The following METTL15 variants were observed in gnomAD, a reference collection of about 807,000 sequenced individuals.
METTL15 encodes methyltransferase 15, mitochondrial 12S rRNA N4-cytidine, also known as 12S rRNA N(4)-cytidine methyltransferase METTL15.
A neutral mutation model predicts 38.3 loss-of-function variants in METTL15; 34 were observed. The observed-to-expected ratio is 0.89, with a 90% CI of 0.68 to 1.18. The LOEUF (loss-of-function observed/expected upper bound fraction) is 1.18, where lower values mean the gene tolerates loss of function less well. Among genes scored for constraint, METTL15 ranks in the 50% most tolerant of loss-of-function variants. The pLI, the probability that METTL15 is intolerant of heterozygous loss-of-function variation, is 0.00. For missense variants in METTL15, 438 were observed against 498.4 expected (o/e 0.88, Z 1.15); for synonymous variants, 162 against 170.9 (o/e 0.95, Z 0.41).
intron 3 of METTL15, among the ~76,000 whole-genome samples, chr11:28,146,788 A>G (rs1172800919): frequency 1.3e-5 from 2 of 151,946 alleles, no homozygotes; most frequent in Non-Finnish European, 2.9e-5. Context: ...TTTACTTAAT[A>G]AAAAACAAAT....
chr11:28,306,266 G>T (rs1417637780), intron 6 of METTL15, among the ~76,000 whole-genome samples: 2 of 152,036 alleles, frequency 1.3e-5, no homozygotes, highest in African/African-American at 4.8e-5. Flanking sequence ...AGAGTGACCT[G>T]CTGGCATTGT....
chr11:28,218,087 C>T (rs1484820415), intron 4 of METTL15, among the ~76,000 whole-genome samples: 1 of 152,026 alleles, frequency 6.6e-6, no homozygotes, highest in African/African-American at 2.4e-5. Flanking sequence ...TTTTCCTATT[C>T]CGAGAAGAAA....
At chr11:28,465,478 C>T (rs1851249577) in intron 6 of METTL15, among the ~76,000 whole-genome samples, 2 of 152,136 alleles carry the variant, frequency 1.3e-5, no homozygotes, top group Non-Finnish European at 2.9e-5. Context: ...CACCTATAAA[C>T]TAACTGCTTC....
chr11:28,321,238 T>G (rs1849456528), intron 6 of METTL15, among the ~76,000 whole-genome samples: 1 of 152,182 alleles, frequency 6.6e-6, no homozygotes, highest in Non-Finnish European at 1.5e-5. Flanking sequence ...TAACGTGATT[T>G]TCACAATAAT....
At chr11:28,361,659 T>C (rs1038088370) in intron 4 of METTL15, among the ~76,000 whole-genome samples, 7 of 152,128 alleles carry the variant, frequency 4.6e-5, no homozygotes, top group African/African-American at 1.7e-4. Flanking sequence ...CTTTTCTGGG[T>C]AGGGGGAGGG....
At chr11:28,277,309 G>A (rs1005654481) in intron 4 of METTL15, among the ~76,000 whole-genome samples, 11 of 152,274 alleles carry the variant, frequency 7.2e-5, no homozygotes, top group South Asian at 2.1e-4. Context: ...ATTCACAATA[G>A]CAAAGATATG....
intron 5 of METTL15, among the ~76,000 whole-genome samples, chr11:28,420,633 G>T (rs541503511): frequency 6.6e-6 from 1 of 152,058 alleles, no homozygotes; most frequent in African/African-American, 2.4e-5. Context: ...GGTCAATGAA[G>T]AGATTAATAA....
At chr11:28,297,693 C>A (rs1484693249) in intron 6 of METTL15, among the ~76,000 whole-genome samples, 1 of 152,096 alleles carries the variant, frequency 6.6e-6, no homozygotes, top group African/African-American at 2.4e-5. Context: ...AGTTATTTAA[C>A]AGAATTCCAA....
chr11:28,500,536 C>CT (rs573552567), intron 6 of METTL15, among the ~76,000 whole-genome samples: 2,681 of 144,438 alleles, frequency 0.019, 30 homozygotes, highest in Middle Eastern at 0.036. Flanking sequence ...TTTCCAATGT[C>CT]TTTTTTTTTT....
intron 6 of METTL15, among the ~76,000 whole-genome samples, chr11:28,433,163 G>GTTTTTTTTTTTTTTT (rs1209820099): frequency 1.1e-5 from 1 of 93,770 alleles, no homozygotes; most frequent in African/African-American, 2.8e-5. Flanking sequence ...GTTTTGTTTT[G>GTTTTTTTTTTTTTTT]TTTTTTTTGT....
intron 5 of METTL15, among the ~76,000 whole-genome samples, chr11:28,375,348 G>T (rs1564911048): frequency 6.6e-6 from 1 of 151,746 alleles, no homozygotes; most frequent in Non-Finnish European, 1.5e-5. Flanking sequence ...TTCAGAGCCT[G>T]TTATTGGTCT....
intron 5 of METTL15, among the ~76,000 whole-genome samples, chr11:28,407,777 A>G (rs1329068558): frequency 6.6e-6 from 1 of 152,220 alleles, no homozygotes; most frequent in Non-Finnish European, 1.5e-5. Flanking sequence ...AACCAGAAAT[A>G]TCATCTGACC....
chr11:28,127,083 G>A (rs1852519089), intron 3 of METTL15, among the ~76,000 whole-genome samples: 1 of 152,084 alleles, frequency 6.6e-6, no homozygotes, highest in Non-Finnish European at 1.5e-5. Flanking sequence ...AATGCAAAGA[G>A]GGAGATGGTG....
chr11:28,462,255 A>T (rs1239964096), intron 6 of METTL15, among the ~76,000 whole-genome samples: 3 of 152,086 alleles, frequency 2.0e-5, no homozygotes, highest in African/African-American at 7.2e-5. Flanking sequence ...TATGGGAATA[A>T]GGAAGAGTAT....
At chr11:28,355,916 C>CT (rs1850086354) in intron 4 of METTL15, among the ~76,000 whole-genome samples, 1 of 152,146 alleles carries the variant, frequency 6.6e-6, no homozygotes, top group Non-Finnish European at 1.5e-5. Context: ...CTTATACTAT[C>CT]TTTTTCCTTT....
chr11:28,468,347 T>C lies in METTL15; in HGVS notation c.*424+43983T>C, dbSNP rs760654112. The stretch of plus-strand genomic sequence containing the variant: ...AAGAGCACCAGGGATAAAAACACGG[T>C]GAGGAGAAATGAAGAGATGGTAGTG... On this transcript the variant is annotated intron_variant and NMD_transcript_variant, in intron 6 of 7. Coordinates refer to the METTL15 transcript ENST00000532947. Among the ~76,000 whole-genome samples, 7 of 152,078 alleles carry C rather than the reference T, an allele frequency of 4.6e-5. No individual in the cohort carries two copies. The South Asian group carries it at 1.2e-3, about 27-fold the overall frequency.
chr11:28,330,320 A>G, intron 6 of METTL15, 76 bp from the exon 7 acceptor site: 1 of 1,312,060 alleles, frequency 7.6e-7, no homozygotes, highest in East Asian at 2.5e-5. Context: ...ACACAACTAC[A>G]CAATTCATTA....
At chr11:28,202,420 A>C (rs1852151442) in intron 3 of METTL15, among the ~76,000 whole-genome samples, 1 of 151,972 alleles carries the variant, frequency 6.6e-6, no homozygotes, top group Admixed American at 6.6e-5. Flanking sequence ...ATGGAATGCT[A>C]TGTATATCTT....
chr11:28,196,124 T>G (rs1851900284), intron 3 of METTL15, among the ~76,000 whole-genome samples: 1 of 152,104 alleles, frequency 6.6e-6, no homozygotes, highest in African/African-American at 2.4e-5. Flanking sequence ...TAATTGAAAT[T>G]GAAGTAATGT....
Sources: gnomAD v4.1 joint callset for allele counts (sites outside exome capture counted in the v4.1 genomes callset) on GRCh38, gnomAD v4.1.1 for gene constraint, MANE v1.5 for transcripts, NCBI Gene and HGNC (gene_info 2026-07-23, HGNC 2026-07-21) for gene names.